The following RGPD3 variants were observed in gnomAD, a reference collection of about 807,000 sequenced individuals.
RGPD3 encodes ranBP2-like and GRIP domain-containing protein 3.
A neutral mutation model predicts 154.5 loss-of-function variants in RGPD3; 62 were observed. The ratio of observed to expected loss-of-function variants is 0.40; its 90% CI spans 0.33 to 0.50. The LOEUF (loss-of-function observed/expected upper bound fraction) is 0.50, where lower values mean the gene tolerates loss of function less well. Ranked by LOEUF, RGPD3 falls within the 20% of genes least tolerant of loss-of-function variation. The pLI is 0.59. For synonymous variants in RGPD3, 308 were observed against 607.0 expected (o/e 0.51, Z 7.24); for missense variants, 919 against 1,716.8 (o/e 0.54, Z 8.21).
intron 1 of RGPD3, among the ~76,000 whole-genome samples, chr2:106,462,411 A>C (rs1678431293): frequency 6.6e-6 from 1 of 150,894 alleles, no homozygotes; most frequent in Non-Finnish European, 1.5e-5. Flanking sequence ...AAAGATATAT[A>C]GCTAGGAAGG....
In RGPD3 at chr2:106,423,695, T is replaced by A; in HGVS notation, c.4272A>T (p.Glu1424Asp). The A allele has an allele frequency of 6.2e-7, 1 of 1,610,458 alleles. No individual in the cohort carries two copies. The highest frequency in any genetic ancestry group is 1.1e-5 in the South Asian group (1 of 90,864). The change falls in exon 20 of 23, where the codon GAA becomes GAT. Residue 1424 changes from glutamate (E) to aspartate (D), a missense_variant. Coordinates refer to ENST00000409886, the MANE Select transcript of RGPD3 (RefSeq NM_001144013.2). The part of the protein sequence containing the change: ...DMSLQNMKGT[E>D]RVWVWTACDF... ...CACATGCAGTCCACACCCATACTCT[T>A]TCTGTCCCTTTCATATTTTGCAAAC...
chr2:106,449,749 G>A (rs1678052659), intron 6 of RGPD3, among the ~76,000 whole-genome samples: 1 of 151,912 alleles, frequency 6.6e-6, no homozygotes, highest in Non-Finnish European at 1.5e-5. Flanking sequence ...CGGGCGCGGT[G>A]GCTCATGCCT....
chr2:106,426,198 T>A, intron 18 of RGPD3, 110 bp from the exon 19 acceptor site: 1 of 1,206,154 alleles, frequency 8.3e-7, no homozygotes, highest in Non-Finnish European at 1.1e-6. Flanking sequence ...AAGAAAGATT[T>A]AACTACATAA....
At chr2:106,444,115 AAGTT>A (rs1388627136) in intron 7 of RGPD3, among the ~76,000 whole-genome samples, 1 of 104,886 alleles carries the variant, frequency 9.5e-6, no homozygotes, top group Non-Finnish European at 1.9e-5. Context: ...CTTGCCATAA[AAGTT>A]AGCCAATTCT....
chr2:106,414,895 A>G (rs1360859724), intron 21 of RGPD3, among the ~76,000 whole-genome samples: 5 of 152,094 alleles, frequency 3.3e-5, no homozygotes, highest in African/African-American at 9.7e-5. Flanking sequence ...AAAAGCATGT[A>G]CTTTTCAGAC....
At position 106,465,934 on chromosome 2, in the gene RGPD3, C is replaced by G. The variant is rs1177876078; in HGVS notation, c.72+2283G>C. ...GCGCTGAGATGCCTACCTTGTCACT[C>G]GACGCAGCCGCCAAAGCTCACCCGG... On this transcript the variant is annotated intron_variant, in intron 1 of 22. Transcript: ENST00000409886. Among the ~76,000 whole-genome samples, 10 of 151,978 alleles carry G rather than the reference C, an allele frequency of 6.6e-5. No homozygotes were observed. In the South Asian group the frequency reaches 1.9e-3, roughly 28 times the overall value.
chr2:106,441,140 A>G (rs954533832), intron 8 of RGPD3, among the ~76,000 whole-genome samples, 153 bp downstream of exon 8: 30 of 151,998 alleles, frequency 2.0e-4, no homozygotes, highest in African/African-American at 6.5e-4. Flanking sequence ...ATTTCTTCGC[A>G]TCTCTTCCAT....
At chr2:106,414,250 T>C (rs1299227167) in intron 21 of RGPD3, among the ~76,000 whole-genome samples, 1 of 152,122 alleles carries the variant, frequency 6.6e-6, no homozygotes, top group Non-Finnish European at 1.5e-5. Flanking sequence ...TTAGCGAACT[T>C]TGTCCTCAAA....
chr2:106,448,849 C>T (rs535548377), intron 6 of RGPD3, among the ~76,000 whole-genome samples: 7 of 151,180 alleles, frequency 4.6e-5, no homozygotes, highest in African/African-American at 9.7e-5. Flanking sequence ...TACCAACATG[C>T]CCAGCTAATT....
intron 6 of RGPD3, among the ~76,000 whole-genome samples, chr2:106,449,769 G>A (rs1346057017): frequency 9.4e-5 from 14 of 148,874 alleles, no homozygotes; most frequent in Middle Eastern, 3.8e-3. Context: ...TGTAATCCCA[G>A]CACTTTGGGA....
intron 22 of RGPD3, among the ~76,000 whole-genome samples, chr2:106,408,793 C>T (rs909552756): frequency 1.3e-5 from 2 of 152,030 alleles, no homozygotes; most frequent in Non-Finnish European, 2.9e-5. Flanking sequence ...AACAAAGAAT[C>T]CTGCTGCCTT....
rs1230783035 is a variant in RGPD3 at position 106,407,384 on chromosome 2, C to G, written c.5267-2155G>C. Among the ~76,000 whole-genome samples the G allele has an allele frequency of 9.4e-3, 1,378 of 147,102 alleles. 23 individuals are homozygous for G. The highest frequency in any genetic ancestry group is 0.032 in the African/African-American group (1,268 of 39,408). ...CAAAGGCATGAATTTCTGGAGGAGG[C>G]AATGAGGGCAAAGAACTCTGAAAAG... On this transcript the variant is annotated intron_variant, in intron 22 of 22. Transcript: ENST00000409886.
intron 7 of RGPD3, among the ~76,000 whole-genome samples, chr2:106,446,556 C>A (rs1279069558): frequency 6.6e-4 from 44 of 66,556 alleles, no homozygotes; most frequent in African/African-American, 1.7e-3. Context: ...GGCGACAGAG[C>A]GAGACTCCAT....
intron 1 of RGPD3, among the ~76,000 whole-genome samples, chr2:106,465,724 T>C (rs1282134261): frequency 6.6e-6 from 1 of 151,836 alleles, no homozygotes; most frequent in Non-Finnish European, 1.5e-5. Context: ...GTAAGAACTT[T>C]AGAATTTTTT....
chr2:106,418,003 C>A lies in RGPD3; in HGVS notation c.4925-2014G>T, dbSNP rs541653532. Among the ~76,000 whole-genome samples, 47 of 146,248 alleles carry A rather than the reference C, an allele frequency of 3.2e-4. 2 individuals carry two copies. Among genetic ancestry groups the A allele is most frequent in the African/African-American group, 1.2e-3 (47 of 39,984 alleles). On this transcript the variant is annotated intron_variant, in intron 20 of 22. Transcript: ENST00000409886. ...AATTAGCCAGGCACAGTGGCAGGTG[C>A]CTGTAATCCCAGCTGCTGGGGAGGC... is the stretch of plus-strand genomic sequence containing the variant.
chr2:106,414,742 C>G (rs867242828), intron 21 of RGPD3, among the ~76,000 whole-genome samples: 24 of 150,738 alleles, frequency 1.6e-4, no homozygotes, highest in Middle Eastern at 3.4e-3. Context: ...GAGATGCATA[C>G]TGAAGTATTT....
chr2:106,462,641 CTT>C (rs747268525), intron 1 of RGPD3, among the ~76,000 whole-genome samples: 105 of 152,246 alleles, frequency 6.9e-4, no homozygotes, highest in Middle Eastern at 6.8e-3. Context: ...TTGTCCAAAA[CTT>C]AACATTTGTG....
chr2:106,421,902 A>C (rs1677001946), intron 20 of RGPD3, among the ~76,000 whole-genome samples: 1 of 151,434 alleles, frequency 6.6e-6, no homozygotes, highest in African/African-American at 2.4e-5. Context: ...CAAACCAACA[A>C]GGGTGTCATG....
chr2:106,421,332 A>G (rs1676980316), intron 20 of RGPD3, among the ~76,000 whole-genome samples: 1 of 152,028 alleles, frequency 6.6e-6, no homozygotes, highest in African/African-American at 2.4e-5. Context: ...GCTCACAGAA[A>G]CTGTACGCAA....
Sources: allele counts gnomAD v4.1 joint callset (sites outside exome capture counted in the v4.1 genomes callset), GRCh38; gene constraint gnomAD v4.1.1; transcripts MANE v1.5; gene names NCBI Gene and HGNC (gene_info 2026-07-23, HGNC 2026-07-21).